RSPH14: variants seen among roughly 807,000 people sequenced by gnomAD.
The protein encoded by RSPH14 is rhabdoid tumor deletion region gene 1.
Under a neutral mutation model 26.7 loss-of-function variants are expected in RSPH14, and 20 were observed. That is an observed-to-expected ratio of 0.75 (90% CI 0.53 to 1.09). The LOEUF (loss-of-function observed/expected upper bound fraction) is 1.09, where lower values mean the gene tolerates loss of function less well. Among genes scored for constraint, RSPH14 ranks in the 50% least tolerant of loss-of-function variants. The pLI, the probability that RSPH14 is intolerant of heterozygous loss-of-function variation, is 0.00. For synonymous variants in RSPH14, 177 were observed against 189.3 expected, an observed-to-expected ratio of 0.93 and a Z score of 0.53; for missense variants, 449 against 457.2, an observed-to-expected ratio of 0.98 and a Z score of 0.16.
At chr22:23,142,146 TG>T (rs1206862633), upstream of RSPH14, 3 of 507,368 alleles carry the variant, frequency 5.9e-6, no homozygotes, top group African/African-American at 6.3e-5. Context: ...ACAGGGTTGC[TG>T]TGGAGACCAA....
the RSPH14 span, among the ~76,000 whole-genome samples, chr22:23,157,376 G>C: frequency 1.3e-5 from 2 of 151,746 alleles, no homozygotes; most frequent in Non-Finnish European, 2.9e-5. Context: ...TCAGCCTCCC[G>C]AGTAGCTGGG....
the RSPH14 span, chr22:23,155,935 AC>A: frequency 6.3e-7 from 1 of 1,583,980 alleles, no homozygotes; most frequent in African/African-American, 1.4e-5. Context: ...GTAGCCTGAC[AC>A]CATTTCCCTT....
At chr22:23,142,447 C>G (rs954032378), upstream of RSPH14, among the ~76,000 whole-genome samples, 2 of 152,156 alleles carry the variant, frequency 1.3e-5, no homozygotes, top group Admixed American at 6.5e-5. Context: ...AAGTGATTCT[C>G]CTGCCTAAGC....
chr22:23,152,773 C>T, the RSPH14 span, among the ~76,000 whole-genome samples: 1 of 152,190 alleles, frequency 6.6e-6, no homozygotes, highest in Non-Finnish European at 1.5e-5. Context: ...GCCACGGGCT[C>T]TCCCCTCCAC....
intron 4 of RSPH14, among the ~76,000 whole-genome samples, chr22:23,115,101 C>A (rs532769212): frequency 6.6e-6 from 1 of 152,306 alleles, no homozygotes; most frequent in South Asian, 2.1e-4. Context: ...GTGGCCACAG[C>A]AAACTGCATG....
chr22:23,145,400 G>A, upstream of RSPH14: 1 of 1,609,430 alleles, frequency 6.2e-7, no homozygotes. Flanking sequence ...ATGCTTGGAC[G>A]CGCCGCTGCC....
chr22:23,155,296 G>A, the RSPH14 span, among the ~76,000 whole-genome samples: 3 of 152,158 alleles, frequency 2.0e-5, no homozygotes, highest in Non-Finnish European at 4.4e-5. Context: ...CTAAGCCAGG[G>A]CAGGTAGATC....
intron 4 of RSPH14, among the ~76,000 whole-genome samples, chr22:23,066,749 G>A (rs185284661): frequency 4.3e-4 from 65 of 152,174 alleles, no homozygotes; most frequent in Middle Eastern, 3.4e-3. Context: ...CTGAGCGTCC[G>A]CTGGGGGTGG....
chr22:23,164,877 C>T, the RSPH14 span, among the ~76,000 whole-genome samples: 1 of 152,052 alleles, frequency 6.6e-6, no homozygotes, highest in African/African-American at 2.4e-5. Context: ...CTCTGGCTTT[C>T]GAGGCTCCTC....
intron 4 of RSPH14, among the ~76,000 whole-genome samples, chr22:23,086,469 G>A (rs571233771): frequency 3.9e-5 from 6 of 152,332 alleles, no homozygotes; most frequent in African/African-American, 1.4e-4. Context: ...CTCCAGCCAC[G>A]GGCCTCTGGA....
chr22:23,144,174 C>G (rs1300446363), upstream of RSPH14, among the ~76,000 whole-genome samples: 1 of 149,986 alleles, frequency 6.7e-6, no homozygotes, highest in Non-Finnish European at 1.5e-5. Context: ...TCCCCAAATC[C>G]AAATTAGTAA....
chr22:23,065,854 G>A (rs577558760), intron 4 of RSPH14, among the ~76,000 whole-genome samples: 2 of 152,212 alleles, frequency 1.3e-5, no homozygotes, highest in African/African-American at 4.8e-5. Context: ...CAAGACAAAC[G>A]CTGCACAGCC....
chr22:23,073,641 T>C (rs1192502756), intron 4 of RSPH14, among the ~76,000 whole-genome samples: 1 of 152,178 alleles, frequency 6.6e-6, no homozygotes, highest in Non-Finnish European at 1.5e-5. Context: ...CTTCACAGGA[T>C]TGAACCAACA....
chr22:23,083,905 GAGA>G (rs1197255615), intron 4 of RSPH14, among the ~76,000 whole-genome samples: 1 of 152,352 alleles, frequency 6.6e-6, no homozygotes, highest in Middle Eastern at 3.4e-3. Context: ...GTCCTCATCA[GAGA>G]AGGAGGTTCT....
At chr22:23,072,078 A>AAG (rs1437159596) in intron 4 of RSPH14, among the ~76,000 whole-genome samples, 32 of 152,112 alleles carry the variant, frequency 2.1e-4, no homozygotes, top group Non-Finnish European at 4.3e-4. Context: ...GAGAAGAGCT[A>AAG]GCTTTAAAGA....
intron 4 of RSPH14, among the ~76,000 whole-genome samples, chr22:23,112,603 G>T (rs2069686012): frequency 6.6e-6 from 1 of 152,116 alleles, no homozygotes; most frequent in South Asian, 2.1e-4. Flanking sequence ...GTGGCAGGGA[G>T]ACCCCCTTCT....
chr22:23,160,800 A>T, the RSPH14 span: 7 of 1,553,826 alleles, frequency 4.5e-6, no homozygotes, highest in Non-Finnish European at 6.1e-6. Context: ...AGGGTAGGCT[A>T]GCCTGGCTTT....
At chr22:23,135,457 G>A (rs1987042) in intron 3 of RSPH14, among the ~76,000 whole-genome samples, 73,356 of 150,756 alleles carry the variant, frequency 0.49, 18,471 homozygotes, top group Middle Eastern at 0.57. Context: ...GCACAACTGC[G>A]CTCCAGCCTG....
At position 23,121,106 on chromosome 22, in the gene RSPH14, G is replaced by A. The variant is rs1045690285; in HGVS notation, c.421+12920C>T. 5.2e-4 allele frequency among the ~76,000 whole-genome samples: 79 copies of A among 152,148 alleles called. 1 individual carries two copies. The highest frequency in any genetic ancestry group is 1.8e-3 in the Admixed American group (27 of 15,282). The stretch of plus-strand genomic sequence containing the variant: ...GGGAATGTGCAGCCAGGTTCACTGC[G>A]GAGGCGCTGGCTCCTCTCTGCTCTG... On this transcript the variant is annotated intron_variant, in intron 4 of 6. Transcript: ENST00000216036.
Sources: gnomAD v4.1 joint callset for allele counts (sites outside exome capture counted in the v4.1 genomes callset) on GRCh38, gnomAD v4.1.1 for gene constraint, MANE v1.5 for transcripts, NCBI Gene and HGNC (gene_info 2026-07-23, HGNC 2026-07-21) for gene names.